Variants in KIAA0232 observed in about 807,000 individuals in gnomAD.
The protein encoded by KIAA0232 is KIAA0232.
A neutral mutation model predicts 122.0 loss-of-function variants in KIAA0232; 27 were observed. That is an observed-to-expected ratio of 0.22 (90% CI 0.16 to 0.31). The LOEUF (loss-of-function observed/expected upper bound fraction) is 0.31, where lower values mean the gene tolerates loss of function less well. Ranked by LOEUF, KIAA0232 falls within the 10% of genes least tolerant of loss-of-function variation. KIAA0232 has a pLI of 1.00. For synonymous variants in KIAA0232, 613 were observed against 587.6 expected, an observed-to-expected ratio of 1.04 and a Z score of -0.63; for missense variants, 1,551 against 1,634.2, an observed-to-expected ratio of 0.95 and a Z score of 0.88.
rs1315284800 is a variant in KIAA0232 at position 6,842,801 on chromosome 4, C to T, written c.369+597C>T. 4.6e-5 allele frequency among the ~76,000 whole-genome samples: 7 copies of T among 152,188 alleles called. No homozygotes were observed. In the East Asian group the frequency reaches 1.4e-3, roughly 29 times the overall value. On this transcript the variant is annotated intron_variant, in intron 4 of 9. Transcript: ENST00000307659. ...ATGGGGTTTCACCATGTTGGCCAGG[C>T]TGGTCTTGAACTCCTGATCTCAGGT...
intron 2 of KIAA0232, among the ~76,000 whole-genome samples, chr4:6,810,833 C>T (rs1296865392): frequency 6.6e-6 from 1 of 152,210 alleles, no homozygotes; most frequent in African/African-American, 2.4e-5. Context: ...TGAAGAAAAG[C>T]TCAGCATCAC....
At chr4:6,833,551 G>C (rs974556957) in intron 3 of KIAA0232, among the ~76,000 whole-genome samples, 1 of 151,870 alleles carries the variant, frequency 6.6e-6, no homozygotes, top group Admixed American at 6.6e-5. Flanking sequence ...GATCACCTGA[G>C]CCCAGGGAGG....
chr4:6,786,396 A>G (rs1400704720), intron 1 of KIAA0232, among the ~76,000 whole-genome samples: 1 of 152,166 alleles, frequency 6.6e-6, no homozygotes, highest in African/African-American at 2.4e-5. Flanking sequence ...TCAACCTCCC[A>G]GGCTCAAGTG....
intron 9 of KIAA0232, among the ~76,000 whole-genome samples, chr4:6,878,577 G>A (rs10006924): frequency 0.21 from 32,356 of 152,120 alleles, 3,766 homozygotes; most frequent in Middle Eastern, 0.31. Context: ...TCACATGGTC[G>A]TAGCTGGTAT....
chr4:6,881,520 G>C lies in KIAA0232; in HGVS notation c.*554G>C, dbSNP rs1024421483. The C allele has an allele frequency of 1.3e-5, 2 of 152,654 alleles. No homozygotes were observed. Among genetic ancestry groups the C allele is most frequent in the African/African-American group, 4.8e-5 (2 of 41,456 alleles). The allele number at this position is 152,654 out of a possible 1,614,324, so 9.5% of individuals were successfully genotyped here. A position where few individuals can be genotyped will look rare whatever the true frequency, so the allele number is the denominator to read the frequency against. On this transcript the variant is annotated 3_prime_UTR_variant, in exon 10 of 10. Coordinates refer to ENST00000307659, the MANE Select transcript of KIAA0232 (RefSeq NM_014743.3). ...TACATTTCCAGTAGGAACCGCAGAG[G>C]TGTGCTTTTCAAGACTCACCAAATA...
chr4:6,841,358 A>T (rs570374316), intron 3 of KIAA0232, among the ~76,000 whole-genome samples: 1 of 152,336 alleles, frequency 6.6e-6, no homozygotes, highest in Admixed American at 6.5e-5. Flanking sequence ...AGGCGCTTTC[A>T]TTAACTTTCA....
rs151049730 is a variant in KIAA0232, at chr4:6,783,761, A to G, written c.-354+920A>G. Among the ~76,000 whole-genome samples, 546 of 152,156 alleles carry G rather than the reference A, an allele frequency of 3.6e-3. 7 individuals are homozygous for G. Among genetic ancestry groups the G allele is most frequent in the African/African-American group, 0.012 (500 of 41,554 alleles). ...TTTGGCGAAGGTTACAGCTGGAGCTAGGAGTGACAGGCCCACAGTCATCCG... is the reference window on the plus strand; with the variant it reads ...TTTGGCGAAGGTTACAGCTGGAGCTGGGAGTGACAGGCCCACAGTCATCCG... On this transcript the variant is annotated intron_variant, in intron 1 of 9. Coordinates refer to ENST00000307659, the MANE Select transcript of KIAA0232 (RefSeq NM_014743.3).
At chr4:6,849,865 C>CT (rs1720182485) in intron 4 of KIAA0232, among the ~76,000 whole-genome samples, 1 of 152,102 alleles carries the variant, frequency 6.6e-6, no homozygotes, top group African/African-American at 2.4e-5. Context: ...GAGATGCCTC[C>CT]TAGGAGACAG....
At chr4:6,869,826 A>C (rs1170312624) in intron 7 of KIAA0232, among the ~76,000 whole-genome samples, 1 of 152,264 alleles carries the variant, frequency 6.6e-6, no homozygotes, top group African/African-American at 2.4e-5. Context: ...AAATCCTGTT[A>C]GGAAACTGAT....
chr4:6,844,558 C>T (rs1230132668), intron 4 of KIAA0232, among the ~76,000 whole-genome samples: 1 of 152,100 alleles, frequency 6.6e-6, no homozygotes, highest in African/African-American at 2.4e-5. Context: ...GCCTCAGCCT[C>T]CCGAGTAGCT....
intron 4 of KIAA0232, among the ~76,000 whole-genome samples, chr4:6,848,651 G>C (rs1720103438): frequency 6.6e-6 from 1 of 152,220 alleles, no homozygotes; most frequent in Non-Finnish European, 1.5e-5. Context: ...GGTCCTGGAA[G>C]CGACCCAATA....
At chr4:6,792,214 C>CT (rs1403552877) in intron 1 of KIAA0232, among the ~76,000 whole-genome samples, 3 of 152,108 alleles carry the variant, frequency 2.0e-5, no homozygotes, top group Non-Finnish European at 2.9e-5. Flanking sequence ...TTACCATGTT[C>CT]TTTTTTTAAT....
At chr4:6,866,173 G>C (rs566857353) in intron 7 of KIAA0232, 1 of 948,148 alleles carries the variant, frequency 1.1e-6, no homozygotes, top group East Asian at 1.2e-4. Flanking sequence ...TATGTACTTT[G>C]TATTTCACCT....
At chr4:6,810,766 G>A (rs1366796164) in intron 2 of KIAA0232, among the ~76,000 whole-genome samples, 1 of 152,078 alleles carries the variant, frequency 6.6e-6, no homozygotes, top group East Asian at 1.9e-4. Context: ...TAAAAGGTGG[G>A]CAAAGACATG....
intron 7 of KIAA0232, among the ~76,000 whole-genome samples, 164 bp downstream of exon 7, chr4:6,864,347 T>C (rs1721051488): frequency 6.6e-6 from 1 of 152,194 alleles, no homozygotes; most frequent in Admixed American, 6.5e-5. Context: ...TTAAAATGGA[T>C]TTGATATTTA....
At chr4:6,856,700 C>G (rs1052065002) in intron 4 of KIAA0232, among the ~76,000 whole-genome samples, 55 of 149,936 alleles carry the variant, frequency 3.7e-4, no homozygotes, top group Admixed American at 1.3e-3. Flanking sequence ...AAAAAAATCA[C>G]CTTGTTTTCT....
chr4:6,810,636 A>G (rs1204566346), intron 2 of KIAA0232, among the ~76,000 whole-genome samples: 2 of 152,224 alleles, frequency 1.3e-5, no homozygotes, highest in African/African-American at 4.8e-5. Flanking sequence ...AGGAGATTGA[A>G]GAGACAGCCT....
chr4:6,817,070 C>T (rs1236576814), intron 2 of KIAA0232, among the ~76,000 whole-genome samples: 1 of 152,004 alleles, frequency 6.6e-6, no homozygotes, highest in African/African-American at 2.4e-5. Context: ...CTGCTCTGAG[C>T]TTTTTTCTGC....
intron 1 of KIAA0232, among the ~76,000 whole-genome samples, chr4:6,799,928 C>A (rs763539217): frequency 5.9e-5 from 9 of 151,520 alleles, no homozygotes; most frequent in Non-Finnish European, 1.2e-4. Context: ...CTCCTGACAT[C>A]ATGATCCCCC....
Sources: allele counts gnomAD v4.1 joint callset (sites outside exome capture counted in the v4.1 genomes callset), GRCh38; gene constraint gnomAD v4.1.1; transcripts MANE v1.5; gene names NCBI Gene and HGNC (gene_info 2026-07-23, HGNC 2026-07-21).